Variants in RRM2 observed in about 807,000 individuals in gnomAD.
RRM2 encodes the protein ribonucleoside-diphosphate reductase subunit M2.
A neutral mutation model predicts 45.9 loss-of-function variants in RRM2; 6 were observed. That is an observed-to-expected ratio of 0.13 (90% CI 0.07 to 0.26). The LOEUF (loss-of-function observed/expected upper bound fraction) is 0.26, where lower values mean the gene tolerates loss of function less well. RRM2 is among the 10% of genes least tolerant of loss of function. The pLI, the probability that RRM2 is intolerant of heterozygous loss-of-function variation, is 1.00. For missense variants in RRM2, 343 were observed against 489.5 expected (o/e 0.70, Z 2.82); for synonymous variants, 177 against 173.0 (o/e 1.02, Z -0.18).
chr2:10,174,031 T>C (rs898984410), intron 3 of RRM2, among the ~76,000 whole-genome samples: 1 of 152,112 alleles, frequency 6.6e-6, no homozygotes, highest in Non-Finnish European at 1.5e-5. Context: ...GTGGCTGCAT[T>C]TGGAGTAGGG....
intron 3 of RRM2, 97 bp downstream of exon 3, chr2:10,123,627 T>G: frequency 8.0e-6 from 12 of 1,491,548 alleles, no homozygotes; most frequent in South Asian, 3.6e-5. Context: ...GGGCTAACTG[T>G]GGGGCATAGT....
chr2:10,124,966 G>A (rs1558379825), intron 5 of RRM2, 116 bp downstream of exon 5: 4 of 909,342 alleles, frequency 4.4e-6, no homozygotes, highest in East Asian at 4.9e-5. Flanking sequence ...ACAGTCATAG[G>A]CATTCCCAGC....
chr2:10,181,777 TTTTTA>T (rs151303987), intron 3 of RRM2, among the ~76,000 whole-genome samples: 14,249 of 68,542 alleles, frequency 0.21, 2,027 homozygotes, highest in East Asian at 0.5. Context: ...TTTTTTTTTT[TTTTTA>T]AGACAGGGTC....
intron 3 of RRM2, among the ~76,000 whole-genome samples, chr2:10,199,658 A>T (rs566730248): frequency 1.5e-3 from 232 of 151,628 alleles, no homozygotes; most frequent in Non-Finnish European, 2.6e-3. Context: ...CGGGCGCCTG[A>T]AGTCCCAGCT....
downstream of RRM2, among the ~76,000 whole-genome samples, chr2:10,131,581 A>G (rs148870651): frequency 6.4e-3 from 980 of 152,234 alleles, 12 homozygotes; most frequent in African/African-American, 0.022. Flanking sequence ...TCTACTAAAA[A>G]TACAAAAATT....
At chr2:10,143,505 G>A (rs1281558025) in intron 3 of RRM2, among the ~76,000 whole-genome samples, 6 of 152,228 alleles carry the variant, frequency 3.9e-5, no homozygotes, top group Admixed American at 6.5e-5. Context: ...ACCTGGCCAG[G>A]CACTCTCAGT....
chr2:10,140,956 G>A (rs553186532), upstream of RRM2, among the ~76,000 whole-genome samples: 1 of 152,308 alleles, frequency 6.6e-6, no homozygotes, highest in African/African-American at 2.4e-5. Context: ...TCTGGACCAG[G>A]GTTAGGAGGA....
intron 3 of RRM2, among the ~76,000 whole-genome samples, chr2:10,150,003 C>G (rs1478743281): frequency 6.6e-6 from 1 of 152,206 alleles, no homozygotes; most frequent in African/African-American, 2.4e-5. Flanking sequence ...GGTTTCATCT[C>G]TCATCTGTTT....
At chr2:10,142,182 G>A (rs922128447) in intron 2 of RRM2, 3 of 1,567,866 alleles carry the variant, frequency 1.9e-6, no homozygotes, top group Non-Finnish European at 2.6e-6. Flanking sequence ...GGGAGATGGG[G>A]CTGGGTCAGT....
At chr2:10,128,368 G>A (rs1662826796) in intron 7 of RRM2, among the ~76,000 whole-genome samples, 1 of 152,240 alleles carries the variant, frequency 6.6e-6, no homozygotes, top group Admixed American at 6.5e-5. Flanking sequence ...TTGTAGGAGG[G>A]CCTTCCTTAC....
chr2:10,147,311 C>T (rs1663209646), intron 3 of RRM2, among the ~76,000 whole-genome samples: 1 of 151,824 alleles, frequency 6.6e-6, no homozygotes, highest in South Asian at 2.1e-4. Context: ...GAGACAGAAT[C>T]TCACTCTGTT....
chr2:10,194,331 G>A (rs938688050), intron 3 of RRM2, among the ~76,000 whole-genome samples: 4 of 152,174 alleles, frequency 2.6e-5, no homozygotes, highest in Non-Finnish European at 5.9e-5. Context: ...CCACCTCCTG[G>A]TCAGGCTGCT....
At chr2:10,187,724 T>C (rs1243248543) in intron 3 of RRM2, among the ~76,000 whole-genome samples, 1 of 152,334 alleles carries the variant, frequency 6.6e-6, no homozygotes, top group East Asian at 1.9e-4. Flanking sequence ...TGGGCCGGGC[T>C]GAGCCACACC....
At chr2:10,182,781 C>A (rs1664087716) in intron 3 of RRM2, among the ~76,000 whole-genome samples, 1 of 152,200 alleles carries the variant, frequency 6.6e-6, no homozygotes, top group African/African-American at 2.4e-5. Flanking sequence ...CCGTGACATC[C>A]TTTTGTCCAG....
chr2:10,184,091 T>TAAAACAAAAA (rs1664114404), intron 3 of RRM2, among the ~76,000 whole-genome samples: 1 of 30,682 alleles, frequency 3.3e-5, no homozygotes, highest in Admixed American at 4.3e-4. Flanking sequence ...AGACTCCATC[T>TAAAACAAAAA]AAAAAAAAAA....
At chr2:10,190,754 G>A (rs1261933318) in intron 3 of RRM2, among the ~76,000 whole-genome samples, 4 of 148,528 alleles carry the variant, frequency 2.7e-5, no homozygotes, top group South Asian at 2.2e-4. Context: ...TGATGTTGGC[G>A]ATGATGGTGG....
chr2:10,147,099 C>A (rs1473473128), intron 3 of RRM2, among the ~76,000 whole-genome samples: 2 of 151,888 alleles, frequency 1.3e-5, no homozygotes, highest in African/African-American at 4.8e-5. Flanking sequence ...ATTACAGGCG[C>A]GCACTACCAC....
At position 10,126,907 on chromosome 2, in the gene RRM2, C is replaced by G. The variant is rs1662791121; in HGVS notation, c.602C>G (p.Pro201Arg). The G allele has an allele frequency of 6.2e-7, 1 of 1,613,984 alleles. No homozygotes were observed. The highest frequency in any genetic ancestry group is 1.3e-5 in the African/African-American group (1 of 74,898). ...CTCTTCAATGCCATTGAAACGATGC[C>G]TTGTGTCAAGAAGAAGGCAGACTGG... ...EFLFNAIETM[P>R]CVKKKADWAL... Residue 201 changes from proline (P) to arginine (R), a missense_variant, in exon 6 of 10, where the codon CCT (proline) becomes CGT (arginine). By Grantham distance (103) the Pro-to-Arg change is moderately radical. Coordinates refer to ENST00000304567, the MANE Select transcript of RRM2 (RefSeq NM_001034.4).
At chr2:10,160,855 C>A (rs1041556904) in intron 3 of RRM2, among the ~76,000 whole-genome samples, 1 of 152,216 alleles carries the variant, frequency 6.6e-6, no homozygotes, top group Non-Finnish European at 1.5e-5. Context: ...ACCTTCCTGG[C>A]CACCTCTGTC....
Sources: gnomAD v4.1 joint callset for allele counts (sites outside exome capture counted in the v4.1 genomes callset) on GRCh38, gnomAD v4.1.1 for gene constraint, MANE v1.5 for transcripts, NCBI Gene and HGNC (gene_info 2026-07-23, HGNC 2026-07-21) for gene names.